The following KYAT3 variants were observed in gnomAD, a reference collection of about 807,000 sequenced individuals.
KYAT3 encodes kynurenine--oxoglutarate transaminase 3.
Under a neutral mutation model 59.0 loss-of-function variants are expected in KYAT3, and 50 were observed. The ratio of observed to expected loss-of-function variants is 0.85; its 90% confidence interval spans 0.68 to 1.07. KYAT3 has a LOEUF of 1.07. KYAT3 is among the 50% of genes least tolerant of loss of function. The pLI, the probability that KYAT3 is intolerant of heterozygous loss-of-function variation, is 0.00. For synonymous variants in KYAT3, 148 were observed against 177.0 expected (o/e 0.84, Z 1.30); for missense variants, 497 against 533.3 (o/e 0.93, Z 0.67).
the KYAT3 span, among the ~76,000 whole-genome samples, chr1:88,928,336 G>A: frequency 3.3e-5 from 5 of 151,988 alleles, no homozygotes; most frequent in African/African-American, 9.7e-5. Context: ...ACTTGGCAAC[G>A]TTGGTTTTTT....
In KYAT3 at chr1:88,964,858, TGGTG is replaced by T; in HGVS notation, c.420_423del (p.Asn140LysfsTer5). The T allele has an allele frequency of 1.3e-6, 2 of 1,599,704 alleles. No homozygotes were observed. Among genetic ancestry groups the T allele is most frequent in the Non-Finnish European group, 8.5e-7 (1 of 1,175,742 alleles). ...TCTCCCTCATCAATTAATGCTTGAATGGTGTTAAAAAGAGATCCATATGCTCCTA... is the reference window on the plus strand; with the variant it reads ...TCTCCCTCATCAATTAATGCTTGAATTTAAAAAGAGATCCATATGCTCCTA... On this transcript the variant is annotated frameshift_variant, in exon 5 of 14. Transcript: ENST00000260508. LOFTEE classifies it high-confidence loss of function.
At chr1:88,930,128 A>G in the KYAT3 span, among the ~76,000 whole-genome samples, 1 of 152,184 alleles carries the variant, frequency 6.6e-6, no homozygotes, top group African/African-American at 2.4e-5. Flanking sequence ...GTACCTGAGT[A>G]AGGAAATTGA....
chr1:88,930,888 G>A (rs887373967), downstream of KYAT3, among the ~76,000 whole-genome samples: 7 of 152,000 alleles, frequency 4.6e-5, no homozygotes, highest in Non-Finnish European at 1.0e-4. Context: ...GAAGGGAATC[G>A]CCAAGCAGAT....
At chr1:88,976,428 T>C (rs1676793140) in intron 2 of KYAT3, among the ~76,000 whole-genome samples, 1 of 152,122 alleles carries the variant, frequency 6.6e-6, no homozygotes, top group Admixed American at 6.6e-5. Flanking sequence ...CATGATGCAT[T>C]AGTCACGTGT....
chr1:88,952,380 T>C lies in KYAT3; in HGVS notation c.954+683A>G, dbSNP rs372686799. On this transcript the variant is annotated intron_variant, in intron 10 of 13. Coordinates refer to ENST00000260508, the MANE Select transcript of KYAT3 (RefSeq NM_001008661.3). The stretch of plus-strand genomic sequence containing the variant: ...AGTGTCCAGTTGTAATCCTCAATGT[T>C]GGAGGTGGGGCCTGGTGGGAGGTGA... Among the ~76,000 whole-genome samples the C allele has an allele frequency of 4.2e-4, 64 of 152,278 alleles. 1 individual carries two copies. The highest frequency in any genetic ancestry group is 1.5e-3 in the African/African-American group (61 of 41,554).
the KYAT3 span, among the ~76,000 whole-genome samples, chr1:88,929,406 C>T: frequency 6.6e-6 from 1 of 152,260 alleles, no homozygotes; most frequent in South Asian, 2.1e-4. Context: ...TAAAGGGTGC[C>T]TTTTGTGCAT....
chr1:88,977,296 G>A (rs974214135), intron 2 of KYAT3, among the ~76,000 whole-genome samples: 2 of 152,186 alleles, frequency 1.3e-5, no homozygotes, highest in Admixed American at 1.3e-4. Flanking sequence ...CCACCTCCCG[G>A]GTTCAAGTGA....
At chr1:88,923,848 C>A in the KYAT3 span, 2 of 177,510 alleles carry the variant, frequency 1.1e-5, no homozygotes, top group Non-Finnish European at 2.5e-5. Context: ...TCTTTAACTG[C>A]GATGGCTGCT....
chr1:88,938,160 A>C (rs1366094550), intron 13 of KYAT3, among the ~76,000 whole-genome samples: 1 of 152,156 alleles, frequency 6.6e-6, no homozygotes, highest in African/African-American at 2.4e-5. Context: ...TTAAGTTGAC[A>C]ACTTACTCTG....
chr1:88,923,261 A>C, the KYAT3 span: 74,073 of 152,090 alleles, frequency 0.49, 18,117 homozygotes, highest in Admixed American at 0.52. Context: ...TAATGGATTG[A>C]AAGACATAAG....
At chr1:88,974,576 C>T (rs1042274625) in intron 2 of KYAT3, among the ~76,000 whole-genome samples, 2 of 148,402 alleles carry the variant, frequency 1.3e-5, no homozygotes, top group South Asian at 2.1e-4. Flanking sequence ...TGGGTTCAAG[C>T]GATTCCCCTG....
chr1:88,960,644 A>G (rs1676103529), intron 8 of KYAT3, among the ~76,000 whole-genome samples: 1 of 152,142 alleles, frequency 6.6e-6, no homozygotes, highest in Non-Finnish European at 1.5e-5. Context: ...CGAAGACCCA[A>G]AAGTTGCAGC....
intron 8 of KYAT3, among the ~76,000 whole-genome samples, chr1:88,957,560 T>C (rs979868390): frequency 1.3e-5 from 2 of 152,250 alleles, no homozygotes; most frequent in African/African-American, 4.8e-5. Flanking sequence ...CAAATTGCAC[T>C]TTCTAAATAA....
chr1:88,973,594 T>C (rs1417716654), intron 2 of KYAT3, among the ~76,000 whole-genome samples: 1 of 152,128 alleles, frequency 6.6e-6, no homozygotes, highest in African/African-American at 2.4e-5. Flanking sequence ...GCTACCAGGG[T>C]GATTAAAGGC....
intron 2 of KYAT3, among the ~76,000 whole-genome samples, chr1:88,973,965 CTG>C (rs905160509): frequency 9.2e-5 from 14 of 152,188 alleles, no homozygotes; most frequent in Admixed American, 5.2e-4. Context: ...CTGTGGATAT[CTG>C]TGTAGTATGG....
Position 88,968,681 on chromosome 1 carries a change from T to C in KYAT3, c.292A>G (p.Thr98Ala). Reference sequence around the variant, plus strand: ...CTTGATATACTTACAAAGCCTCGTGTATACTGATTCAGGCTATCGATTGCT... The same window carrying C: ...CTTGATATACTTACAAAGCCTCGTGCATACTGATTCAGGCTATCGATTGCT... ...IAAIDSLNQYTRGFGHPSLVK... is the reference protein window; with the variant it reads ...IAAIDSLNQYARGFGHPSLVK... The change falls in exon 4 of 14, where the codon ACA (threonine) becomes GCA (alanine). Residue 98 changes from threonine to alanine, a missense_variant. Physicochemically the swap from Thr to Ala is moderately conservative, Grantham distance 58. Around this residue, in one of 2 missense-constraint regions of KYAT3, gnomAD observed 469 missense variants for 479.1 expected, o/e 0.98. Transcript: ENST00000260508. 1 of 1,581,782 alleles carries C rather than the reference T, an allele frequency of 6.3e-7. No individual in the cohort carries two copies. Among genetic ancestry groups the C allele is most frequent in the Non-Finnish European group, 8.5e-7 (1 of 1,171,062 alleles).
chr1:88,961,069 A>T (rs1676118752), intron 8 of KYAT3, 98 bp downstream of exon 8: 4 of 1,229,754 alleles, frequency 3.3e-6, no homozygotes, highest in Non-Finnish European at 1.2e-6. Flanking sequence ...TACCCATTAC[A>T]AAGACTGTTT....
intron 2 of KYAT3, chr1:88,981,367 C>CTTTA (rs1677081096): frequency 6.6e-6 from 1 of 152,316 alleles, no homozygotes; most frequent in Non-Finnish European, 1.5e-5. Context: ...GTCCCCATGA[C>CTTTA]TTTAGCTAAA....
intron 2 of KYAT3, chr1:88,982,668 T>G: frequency 6.2e-6 from 10 of 1,603,070 alleles, no homozygotes; most frequent in Non-Finnish European, 8.5e-6. Flanking sequence ...TATCTGCTTC[T>G]GCCTCCCCCT....
Sources: gnomAD v4.1 joint callset for allele counts (sites outside exome capture counted in the v4.1 genomes callset) on GRCh38, gnomAD v4.1.1 for gene constraint, gnomAD v4.1.1 regional missense constraint, MANE v1.5 for transcripts, NCBI Gene and HGNC (gene_info 2026-07-23, HGNC 2026-07-21) for gene names.